COLEC12: variants seen among roughly 807,000 people sequenced by gnomAD.
The protein encoded by COLEC12 is collectin-12.
COLEC12 carries 33 observed loss-of-function variants against 71.1 expected under a neutral mutation model. The observed-to-expected ratio is 0.46, with a 90% confidence interval of 0.35 to 0.62. The LOEUF (loss-of-function observed/expected upper bound fraction) is 0.62, where lower values mean the gene tolerates loss of function less well. Ranked by LOEUF, COLEC12 falls within the 20% of genes least tolerant of loss-of-function variation. The probability of loss-of-function intolerance (pLI) is 0.00; values close to 1 mark genes in which losing one functional copy is unlikely to be tolerated. For missense variants in COLEC12, 765 were observed against 916.1 expected (o/e 0.84, Z 2.13); for synonymous variants, 350 against 353.0 (o/e 0.99, Z 0.10).
chr18:388,997 G>T (rs1027477149), intron 2 of COLEC12, among the ~76,000 whole-genome samples: 9 of 152,124 alleles, frequency 5.9e-5, no homozygotes, highest in Admixed American at 3.9e-4. Flanking sequence ...TACATCAGGT[G>T]TGGGAAGGAA....
chr18:356,675 T>TAG (rs1417473454), intron 3 of COLEC12, among the ~76,000 whole-genome samples: 1 of 152,232 alleles, frequency 6.6e-6, no homozygotes, highest in Non-Finnish European at 1.5e-5. Flanking sequence ...TTTCCCTGGC[T>TAG]GTTTTCTAGA....
intron 2 of COLEC12, among the ~76,000 whole-genome samples, chr18:394,663 C>T (rs796220837): frequency 3.9e-5 from 6 of 152,270 alleles, no homozygotes; most frequent in South Asian, 2.1e-4. Flanking sequence ...ATTGTTTCAA[C>T]GGGAGGACCA....
At chr18:333,432 C>G (rs191998216) in intron 6 of COLEC12, 14 of 259,110 alleles carry the variant, frequency 5.4e-5, no homozygotes, top group Admixed American at 1.5e-4. Flanking sequence ...GAAGCAACAA[C>G]AAGAAGCAGG....
chr18:368,910 CA>C (rs1275836866), intron 2 of COLEC12, among the ~76,000 whole-genome samples: 1 of 152,060 alleles, frequency 6.6e-6, no homozygotes, highest in East Asian at 1.9e-4. Context: ...AAAAAAAATT[CA>C]AAAATCACAA....
At chr18:392,419 C>T (rs1190766635) in intron 2 of COLEC12, among the ~76,000 whole-genome samples, 3 of 152,200 alleles carry the variant, frequency 2.0e-5, no homozygotes, top group South Asian at 2.1e-4. Flanking sequence ...GATAATCACA[C>T]GACTCCTGTA....
At chr18:460,327 C>A (rs1328303555) in intron 2 of COLEC12, among the ~76,000 whole-genome samples, 1 of 151,716 alleles carries the variant, frequency 6.6e-6, no homozygotes, top group Non-Finnish European at 1.5e-5. Flanking sequence ...CCTTTTGAAT[C>A]CCCCATCCCC....
At chr18:415,027 C>T (rs1398508855) in intron 2 of COLEC12, among the ~76,000 whole-genome samples, 1 of 152,138 alleles carries the variant, frequency 6.6e-6, no homozygotes, top group African/African-American at 2.4e-5. Context: ...CAAGAGGATC[C>T]TAATTTTCAA....
intron 2 of COLEC12, among the ~76,000 whole-genome samples, chr18:420,820 T>C (rs1916084101): frequency 6.6e-6 from 1 of 152,160 alleles, no homozygotes; most frequent in Non-Finnish European, 1.5e-5. Flanking sequence ...TTCTCAAAGA[T>C]AGCCAAGGGC....
intron 2 of COLEC12, among the ~76,000 whole-genome samples, chr18:375,767 T>C (rs947534353): frequency 5.3e-5 from 8 of 152,218 alleles, no homozygotes; most frequent in African/African-American, 1.7e-4. Flanking sequence ...CAGGCAGAGA[T>C]CTTTGTTGGT....
intron 2 of COLEC12, among the ~76,000 whole-genome samples, chr18:420,529 A>G (rs1413772485): frequency 1.3e-5 from 2 of 152,178 alleles, no homozygotes; most frequent in South Asian, 2.1e-4. Flanking sequence ...AAAAAGCGAT[A>G]AAAAATTTTC....
intron 2 of COLEC12, among the ~76,000 whole-genome samples, chr18:395,536 G>A (rs1285976100): frequency 6.6e-6 from 1 of 152,168 alleles, no homozygotes; most frequent in Non-Finnish European, 1.5e-5. Flanking sequence ...CCAGAAAAAT[G>A]TGAGGTTAAA....
intron 2 of COLEC12, among the ~76,000 whole-genome samples, chr18:391,747 A>T (rs1272667633): frequency 6.6e-6 from 1 of 152,190 alleles, no homozygotes; most frequent in Non-Finnish European, 1.5e-5. Flanking sequence ...TAGATGTTTA[A>T]TGAAAATGTT....
intron 2 of COLEC12, among the ~76,000 whole-genome samples, chr18:406,625 C>T (rs1242426842): frequency 2.6e-5 from 4 of 151,724 alleles, no homozygotes; most frequent in East Asian, 3.9e-4. Context: ...CATGCTTTCA[C>T]TTTACTCTAT....
intron 1 of COLEC12, among the ~76,000 whole-genome samples, chr18:486,149 G>C (rs1264190786): frequency 1.3e-5 from 2 of 152,132 alleles, no homozygotes; most frequent in African/African-American, 2.4e-5. Flanking sequence ...CTGTATGCCA[G>C]CTATTTCACA....
Position 348,074 on chromosome 18 carries a change from T to C in COLEC12, c.271A>G (p.Lys91Glu), listed in dbSNP as rs17855029. The change falls in exon 4 of 10, where the codon AAA (lysine) becomes GAA (glutamate). Residue 91 changes from lysine (K) to glutamate (E), a missense_variant. Physicochemically the swap from Lys to Glu is moderately conservative, Grantham distance 56. Transcript: ENST00000400256. ...TCTTGTCACAGATTACCTAATTTTT[T>C]CAGGTCACTTTCCACTGCTGTGAGC... ...DKLTAVESDL[K>E]KLGDQTGKKA... is the part of the protein sequence containing the mutation. 13 of 1,611,898 alleles carry C rather than the reference T, an allele frequency of 8.1e-6. No individual in the cohort carries two copies. The highest frequency in any genetic ancestry group is 6.8e-6 in the Non-Finnish European group (8 of 1,178,290).
At chr18:363,304 A>C (rs1914787954) in intron 2 of COLEC12, among the ~76,000 whole-genome samples, 1 of 152,206 alleles carries the variant, frequency 6.6e-6, no homozygotes. Flanking sequence ...TTGTGTGTTA[A>C]AATGGATACA....
chr18:357,467 A>G lies in COLEC12; in HGVS notation c.114T>C (p.Phe38=). Residue 38 remains phenylalanine, a synonymous_variant, in exon 3 of 10, where the codon TTT becomes TTC. Coordinates refer to ENST00000400256, the MANE Select transcript of COLEC12 (RefSeq NM_130386.3). ...TKCKNNWALK[F]SIILLYILCA... ...ACAAAATGTATAATAATATGATAGA[A>G]AACTTCAGTGCCCAGTTATTTTTAC... 3 of 1,597,596 alleles carry G rather than the reference A, an allele frequency of 1.9e-6. No individual in the cohort carries two copies. Among genetic ancestry groups the G allele is most frequent in the Non-Finnish European group, 2.6e-6 (3 of 1,171,408 alleles).
chr18:485,285 T>C (rs2143780292), intron 1 of COLEC12, among the ~76,000 whole-genome samples: 1 of 152,294 alleles, frequency 6.6e-6, no homozygotes, highest in Non-Finnish European at 1.5e-5. Flanking sequence ...CCAATGTCTA[T>C]CTCTGACAGT....
chr18:368,845 A>AAG (rs1567886810), intron 2 of COLEC12, among the ~76,000 whole-genome samples: 2 of 152,184 alleles, frequency 1.3e-5, no homozygotes, highest in Non-Finnish European at 2.9e-5. Flanking sequence ...CAGCCTGGGC[A>AAG]ACAGAGCGAG....
Sources: gnomAD v4.1 joint callset for allele counts (sites outside exome capture counted in the v4.1 genomes callset) on GRCh38, gnomAD v4.1.1 for gene constraint, MANE v1.5 for transcripts, NCBI Gene and HGNC (gene_info 2026-07-23, HGNC 2026-07-21) for gene names.